Variants in SIPA1L3 observed in about 807,000 individuals in gnomAD.
SIPA1L3 encodes the protein signal-induced proliferation-associated 1-like protein 3.
SIPA1L3 carries 59 observed loss-of-function variants against 150.1 expected under a neutral mutation model. The ratio of observed to expected loss-of-function variants is 0.39; its 90% CI spans 0.32 to 0.49. The LOEUF (loss-of-function observed/expected upper bound fraction) is 0.49, where lower values mean the gene tolerates loss of function less well. Among genes scored for constraint, SIPA1L3 ranks in the 20% least tolerant of loss-of-function variants. SIPA1L3 has a pLI of 0.86. For missense variants in SIPA1L3, 2,211 were observed against 2,489.5 expected, an observed-to-expected ratio of 0.89 and a Z score of 2.38; for synonymous variants, 1,070 against 1,077.6, an observed-to-expected ratio of 0.99 and a Z score of 0.14.
chr19:38,142,934 T>C (rs1971626100), intron 12 of SIPA1L3, among the ~76,000 whole-genome samples: 1 of 152,170 alleles, frequency 6.6e-6, no homozygotes, highest in African/African-American at 2.4e-5. Context: ...TGCAGCAGAA[T>C]TTTGATTGCT....
intron 2 of SIPA1L3, among the ~76,000 whole-genome samples, chr19:38,071,201 T>G (rs1404738164): frequency 7.0e-6 from 1 of 142,158 alleles, no homozygotes; most frequent in African/African-American, 2.6e-5. Context: ...TTATGTTGTT[T>G]TATCTATCTA....
intron 3 of SIPA1L3, among the ~76,000 whole-genome samples, chr19:38,085,140 T>C (rs2145831008): frequency 6.6e-6 from 1 of 151,938 alleles, no homozygotes; most frequent in African/African-American, 2.4e-5. Flanking sequence ...TATATCAATA[T>C]CACATGCACA....
rs199877107 is a variant in SIPA1L3, at chr19:38,182,584, G to T, written c.4274G>T (p.Arg1425Leu). The T allele has an allele frequency of 6.2e-7, 1 of 1,614,064 alleles. No individual in the cohort carries two copies. Among genetic ancestry groups the T allele is most frequent in the Non-Finnish European group, 8.5e-7 (1 of 1,180,022 alleles). ...AAAACTGCCAGTGCAGAGACTCCTCGGCCCTCCCAGCTGGCCCAGCCCAGC... is the reference window on the plus strand; with the variant it reads ...AAAACTGCCAGTGCAGAGACTCCTCTGCCCTCCCAGCTGGCCCAGCCCAGC... Reference protein sequence around the residue: ...VYKTASAETPRPSQLAQPSPF... With the variant: ...VYKTASAETPLPSQLAQPSPF... The change falls in exon 16 of 22, where the codon CGG becomes CTG. Residue 1425 changes from arginine (R) to leucine (L), a missense_variant. By Grantham distance (102) the Arg-to-Leu change is moderately radical. Around this residue, in one of 5 missense-constraint regions of SIPA1L3, gnomAD observed 806 missense variants for 870.1 expected, o/e 0.93. Coordinates refer to ENST00000222345, the MANE Select transcript of SIPA1L3 (RefSeq NM_015073.3).
chr19:37,966,191 A>G (rs1199814881), intron 1 of SIPA1L3, among the ~76,000 whole-genome samples: 1 of 152,210 alleles, frequency 6.6e-6, no homozygotes, highest in Non-Finnish European at 1.5e-5. Flanking sequence ...TCATCCAGAA[A>G]CACTGATCTG....
chr19:37,940,726 T>A (rs185897061), intron 1 of SIPA1L3, among the ~76,000 whole-genome samples: 9 of 152,120 alleles, frequency 5.9e-5, no homozygotes, highest in East Asian at 1.9e-4. Context: ...ATTATAGGCA[T>A]GTACCACCAC....
intron 18 of SIPA1L3, among the ~76,000 whole-genome samples, chr19:38,197,518 A>G (rs1972987628): frequency 6.6e-6 from 1 of 151,380 alleles, no homozygotes; most frequent in African/African-American, 2.4e-5. Context: ...CACTGTCCAT[A>G]CACTGGCGAT....
At chr19:38,129,997 G>A (rs1971269594) in intron 9 of SIPA1L3, among the ~76,000 whole-genome samples, 1 of 152,102 alleles carries the variant, frequency 6.6e-6, no homozygotes, top group South Asian at 2.1e-4. Flanking sequence ...AACCCAGGAA[G>A]CAGACGTTGC....
At chr19:38,111,417 G>A (rs564223080) in intron 8 of SIPA1L3, among the ~76,000 whole-genome samples, 149 of 152,246 alleles carry the variant, frequency 9.8e-4, no homozygotes, top group Admixed American at 2.0e-3. Flanking sequence ...GTCATCTCCT[G>A]TCCTCTACTG....
At chr19:38,039,171 C>A (rs891318178) in intron 2 of SIPA1L3, among the ~76,000 whole-genome samples, 1 of 152,078 alleles carries the variant, frequency 6.6e-6, no homozygotes, top group Non-Finnish European at 1.5e-5. Flanking sequence ...GCATGAGCCA[C>A]CTTGCCTAGC....
At chr19:37,979,271 A>G (rs1213622010) in intron 1 of SIPA1L3, among the ~76,000 whole-genome samples, 1 of 152,112 alleles carries the variant, frequency 6.6e-6, no homozygotes, top group Non-Finnish European at 1.5e-5. Flanking sequence ...AGGTTTCGCC[A>G]GGCACAGTGG....
At chr19:38,089,490 G>C (rs908327225) in intron 4 of SIPA1L3, among the ~76,000 whole-genome samples, 3 of 152,164 alleles carry the variant, frequency 2.0e-5, no homozygotes, top group Admixed American at 6.6e-5. Flanking sequence ...AGAAATAAAA[G>C]GGAAGGTAAG....
chr19:38,035,049 GC>G (rs1215393956), intron 2 of SIPA1L3, among the ~76,000 whole-genome samples: 1 of 152,192 alleles, frequency 6.6e-6, no homozygotes, highest in African/African-American at 2.4e-5. Flanking sequence ...GATCGGGGAA[GC>G]CCAGGGGAGT....
chr19:38,190,749 A>AT (rs1972788809), intron 16 of SIPA1L3, among the ~76,000 whole-genome samples: 3 of 152,252 alleles, frequency 2.0e-5, no homozygotes, highest in African/African-American at 7.2e-5. Context: ...CTTCAGAAGA[A>AT]TATCAGTTGA....
chr19:38,201,102 G>A (rs564094267), intron 19 of SIPA1L3, among the ~76,000 whole-genome samples: 15 of 152,288 alleles, frequency 9.8e-5, no homozygotes, highest in South Asian at 2.1e-4. Flanking sequence ...TGATGGTGCC[G>A]CCCTCAACAC....
chr19:38,188,463 C>G (rs531100104), intron 16 of SIPA1L3, among the ~76,000 whole-genome samples: 1 of 151,682 alleles, frequency 6.6e-6, no homozygotes, highest in Non-Finnish European at 1.5e-5. Context: ...GGATTACAGG[C>G]GTGAACCACC....
chr19:38,079,931 C>G (rs994649640), intron 2 of SIPA1L3, among the ~76,000 whole-genome samples: 2 of 152,120 alleles, frequency 1.3e-5, no homozygotes. Context: ...TATCAGATGT[C>G]CTGGATAAGG....
chr19:38,199,586 G>T (rs1397244338), intron 19 of SIPA1L3, among the ~76,000 whole-genome samples: 1 of 152,044 alleles, frequency 6.6e-6, no homozygotes. Flanking sequence ...AAAATTAATA[G>T]ATGAAACACA....
chr19:37,913,843 C>T (rs902713084), intron 1 of SIPA1L3, among the ~76,000 whole-genome samples: 3 of 151,204 alleles, frequency 2.0e-5, no homozygotes, highest in Non-Finnish European at 4.4e-5. Context: ...GGTGAAACCC[C>T]GTCTCTACTA....
At chr19:37,935,563 C>T (rs2046592999) in intron 1 of SIPA1L3, among the ~76,000 whole-genome samples, 1 of 152,154 alleles carries the variant, frequency 6.6e-6, no homozygotes, top group South Asian at 2.1e-4. Context: ...CAGGATGGTT[C>T]TTCTGCTGGT....
Sources: gnomAD v4.1 joint callset for allele counts (sites outside exome capture counted in the v4.1 genomes callset) on GRCh38, gnomAD v4.1.1 for gene constraint, gnomAD v4.1.1 regional missense constraint, MANE v1.5 for transcripts, NCBI Gene and HGNC (gene_info 2026-07-23, HGNC 2026-07-21) for gene names.